MGAT4D: variants seen among roughly 807,000 people sequenced by gnomAD.
MGAT4D encodes alpha-1,3-mannosyl-glycoprotein 4-beta-N-acetylglucosaminyltransferase-like protein MGAT4D.
MGAT4D carries 34 observed loss-of-function variants against 15.9 expected under a neutral mutation model. The observed-to-expected ratio is 2.14, with a 90% CI of 1.62 to 2.84. The LOEUF (loss-of-function observed/expected upper bound fraction) is 2.84, where lower values mean the gene tolerates loss of function less well. Ranked by LOEUF, MGAT4D falls within the 30% of genes most tolerant of loss-of-function variation. MGAT4D has a pLI of 0.00. For missense variants in MGAT4D, 327 were observed against 140.2 expected (o/e 2.33, Z -6.73); for synonymous variants, 112 against 48.2 (o/e 2.33, Z -5.49).
chr4:140,467,956 G>T (rs1731651353), intron 5 of MGAT4D, among the ~76,000 whole-genome samples: 1 of 151,454 alleles, frequency 6.6e-6, no homozygotes, highest in African/African-American at 2.4e-5. Context: ...CTAGGAAAAG[G>T]GTTTTTAGCT....
chr4:140,491,533 C>T (rs769461983), intron 1 of MGAT4D, among the ~76,000 whole-genome samples: 25 of 151,996 alleles, frequency 1.6e-4, no homozygotes, highest in Non-Finnish European at 3.2e-4. Context: ...ATGAAGTAGC[C>T]TGCAGGCATG....
chr4:140,463,698 T>C (rs547318964), intron 6 of MGAT4D, among the ~76,000 whole-genome samples: 3 of 152,288 alleles, frequency 2.0e-5, no homozygotes, highest in South Asian at 2.1e-4. Context: ...ATCAACAATG[T>C]TGGCTATCTT....
chr4:140,496,348 C>A (rs1733833520), intron 1 of MGAT4D, among the ~76,000 whole-genome samples: 1 of 152,138 alleles, frequency 6.6e-6, no homozygotes, highest in Admixed American at 6.5e-5. Flanking sequence ...AAGAGTGTTT[C>A]ATTCTCAAGA....
rs1229871460 is a variant in MGAT4D, at chr4:140,479,610, T to A, written c.271A>T (p.Ile91Leu). The change falls in exon 3 of 11, where the codon ATA becomes TTA. Residue 91 changes from isoleucine (I) to leucine (L), a missense_variant. Transcript: ENST00000511113. ...GATACTGTTTCATTTTTATTTAATA[T>A]GTCTGCTTTCTGTGCAACTGAAAGA... ...SGNLVAQKAD[I>L]LNKNETVSNT... is the part of the protein sequence containing the mutation. The A allele has an allele frequency of 2.0e-6, 1 of 493,664 alleles. No homozygotes were observed. The highest frequency in any genetic ancestry group is 3.5e-5 in the South Asian group (1 of 28,246). The allele number at this position is 493,664 out of a possible 1,614,324, so 30.6% of individuals were successfully genotyped here.
chr4:140,465,225 C>A (rs1429280330), intron 5 of MGAT4D, among the ~76,000 whole-genome samples: 1 of 152,078 alleles, frequency 6.6e-6, no homozygotes, highest in Admixed American at 6.6e-5. Flanking sequence ...AAATTAGTTT[C>A]TTCTTATAAA....
At chr4:140,462,721 T>C (rs913272262) in intron 6 of MGAT4D, 2 of 152,182 alleles carry the variant, frequency 1.3e-5, no homozygotes, top group Non-Finnish European at 2.9e-5. Flanking sequence ...AGCGGATTGA[T>C]TGTGGCCAAA....
intron 1 of MGAT4D, among the ~76,000 whole-genome samples, chr4:140,495,593 G>A (rs1733784531): frequency 2.6e-5 from 4 of 152,000 alleles, no homozygotes; most frequent in Admixed American, 2.6e-4. Context: ...CAACAGAACA[G>A]GTAAAAACAG....
rs546086885 is a variant in MGAT4D at position 140,448,869 on chromosome 4, T to C, written c.1116+2541A>G. On this transcript the variant is annotated intron_variant, in intron 10 of 10. Coordinates refer to ENST00000511113, the MANE Select transcript of MGAT4D (RefSeq NM_001277353.2). The stretch of plus-strand genomic sequence containing the variant: ...TAAAGCATTTTTATGGGAAGTATCT[T>C]CTACTCCCTGCCCCTTCATCACCTC... Among the ~76,000 whole-genome samples the C allele has an allele frequency of 1.2e-3, 178 of 152,330 alleles. 3 individuals are homozygous for C. The highest frequency in any genetic ancestry group is 4.3e-3 in the African/African-American group (177 of 41,582).
chr4:140,478,711 CA>C (rs1732502312), intron 3 of MGAT4D, among the ~76,000 whole-genome samples: 1 of 148,900 alleles, frequency 6.7e-6, no homozygotes, highest in Non-Finnish European at 1.5e-5. Flanking sequence ...GCATATGATA[CA>C]AAACAACACT....
At chr4:140,467,590 T>C (rs1035906264) in intron 5 of MGAT4D, among the ~76,000 whole-genome samples, 5 of 152,134 alleles carry the variant, frequency 3.3e-5, no homozygotes, top group African/African-American at 1.2e-4. Flanking sequence ...AGCAAGATAC[T>C]TGAAATTTTG....
intron 1 of MGAT4D, among the ~76,000 whole-genome samples, chr4:140,483,564 C>G (rs1732887850): frequency 6.6e-6 from 1 of 152,066 alleles, no homozygotes; most frequent in African/African-American, 2.4e-5. Flanking sequence ...CCAAAGCAAT[C>G]TTGAATGAAA....
At chr4:140,466,945 T>C (rs188240765) in intron 5 of MGAT4D, among the ~76,000 whole-genome samples, 5 of 152,274 alleles carry the variant, frequency 3.3e-5, no homozygotes, top group African/African-American at 1.2e-4. Context: ...TTGCTTGTTT[T>C]ACTTCCTAAC....
chr4:140,493,637 A>G (rs1259382820), intron 1 of MGAT4D, among the ~76,000 whole-genome samples: 1 of 152,068 alleles, frequency 6.6e-6, no homozygotes, highest in Non-Finnish European at 1.5e-5. Context: ...ATACTTATGG[A>G]TGTCCCTATA....
intron 2 of MGAT4D, among the ~76,000 whole-genome samples, chr4:140,480,988 A>G (rs1732682719): frequency 2.0e-5 from 3 of 152,198 alleles, no homozygotes; most frequent in African/African-American, 7.2e-5. Context: ...TCTGGGAAAT[A>G]CAACATAAAG....
intron 4 of MGAT4D, among the ~76,000 whole-genome samples, chr4:140,474,027 CTGAT>C (rs1732154223): frequency 1.3e-5 from 2 of 152,094 alleles, no homozygotes; most frequent in African/African-American, 2.4e-5. Flanking sequence ...ATACACTTGC[CTGAT>C]TATTTCCTTA....
intron 4 of MGAT4D, among the ~76,000 whole-genome samples, chr4:140,473,325 T>G (rs1035552269): frequency 6.6e-6 from 1 of 152,162 alleles, no homozygotes; most frequent in Non-Finnish European, 1.5e-5. Flanking sequence ...TGGAGATATA[T>G]AGCAAGGTAT....
At chr4:140,479,385 T>C in intron 3 of MGAT4D, 105 bp downstream of exon 3, 1 of 367,250 alleles carries the variant, frequency 2.7e-6, no homozygotes, top group Non-Finnish European at 4.9e-6. Flanking sequence ...GGCTGTAGTC[T>C]GCATATCAAT....
intron 9 of MGAT4D, among the ~76,000 whole-genome samples, chr4:140,455,902 C>G (rs1314353919): frequency 2.0e-5 from 3 of 152,066 alleles, no homozygotes; most frequent in African/African-American, 7.2e-5. Flanking sequence ...TTTTGGAGGG[C>G]AACGTGGGCT....
intron 1 of MGAT4D, among the ~76,000 whole-genome samples, chr4:140,489,307 T>C (rs1733356076): frequency 6.6e-6 from 1 of 152,220 alleles, no homozygotes; most frequent in South Asian, 2.1e-4. Flanking sequence ...AATCAAACTA[T>C]GTACTAAGCC....
Sources: gnomAD v4.1 joint callset for allele counts (sites outside exome capture counted in the v4.1 genomes callset) on GRCh38, gnomAD v4.1.1 for gene constraint, MANE v1.5 for transcripts, NCBI Gene and HGNC (gene_info 2026-07-23, HGNC 2026-07-21) for gene names.